XPO5: variants seen among roughly 807,000 people sequenced by gnomAD.
XPO5 encodes the protein exportin 5, also known as exportin-5.
In XPO5, 46 loss-of-function variants were observed where a neutral mutation model predicts 160.6. That is an observed-to-expected ratio of 0.29 (90% CI 0.23 to 0.37). The LOEUF is 0.37. XPO5 is among the 10% of genes least tolerant of loss of function. The pLI is 1.00. For synonymous variants in XPO5, 537 were observed against 519.3 expected, an observed-to-expected ratio of 1.03 and a Z score of -0.46; for missense variants, 1,090 against 1,463.9, an observed-to-expected ratio of 0.74 and a Z score of 4.17.
rs2127694581 is a variant in XPO5, at chr6:43,522,704, G to T, written c.*1164C>A. The stretch of plus-strand genomic sequence containing the variant: ...TAGCTTCAGTCCACTTCGGCTCTCG[G>T]GGAAACCCTCTTGTCAGTGGACTGG... On this transcript the variant is annotated 3_prime_UTR_variant, in exon 32 of 32. Transcript: ENST00000265351. The T allele has an allele frequency of 2.0e-6, 1 of 499,868 alleles. No homozygotes were observed. 31.0% of individuals were successfully genotyped at this position (499,868 alleles called of 1,614,324 possible). A position where few individuals can be genotyped will look rare whatever the true frequency, so the allele number is the denominator to read the frequency against.
At chr6:43,570,377 T>A (rs1483105195) in intron 5 of XPO5, 125 bp downstream of exon 5, 2 of 831,788 alleles carry the variant, frequency 2.4e-6, no homozygotes, top group Non-Finnish European at 3.4e-6. Flanking sequence ...CCTAGTTTTT[T>A]ATTTTTTTGC....
chr6:43,523,770 G>C lies in XPO5; in HGVS notation c.*98C>G. On this transcript the variant is annotated 3_prime_UTR_variant, in exon 32 of 32. Transcript: ENST00000265351. Reference sequence around the variant, plus strand: ...ATCTCTTTCCAGGCTGACAGTGGTGGAAAGTGAGGTGGCAGTGCAAGAAGG... The same window carrying C: ...ATCTCTTTCCAGGCTGACAGTGGTGCAAAGTGAGGTGGCAGTGCAAGAAGG... 1 of 1,593,614 alleles carries C rather than the reference G, an allele frequency of 6.3e-7. No individual in the cohort carries two copies. Among genetic ancestry groups the C allele is most frequent in the Non-Finnish European group, 8.6e-7 (1 of 1,162,118 alleles).
chr6:43,575,499 G>C (rs1353397413), intron 1 of XPO5, among the ~76,000 whole-genome samples: 1 of 152,228 alleles, frequency 6.6e-6, no homozygotes, highest in East Asian at 1.9e-4. Context: ...AAAGGGGGAG[G>C]AGAGGGCTGT....
In XPO5 at chr6:43,535,530, C is replaced by T. The variant is rs73426763; in HGVS notation, c.2343-1523G>A. Among the ~76,000 whole-genome samples, 711 of 152,218 alleles carry T rather than the reference C, an allele frequency of 4.7e-3. 8 individuals carry two copies. Among genetic ancestry groups the T allele is most frequent in the African/African-American group, 0.016 (655 of 41,536 alleles). On this transcript the variant is annotated intron_variant, in intron 20 of 31. Coordinates refer to ENST00000265351, the MANE Select transcript of XPO5 (RefSeq NM_020750.3). ...ATCTTTCAGACCATGTTTAAGCCTCCATAGTTTGTTCTGTTTGTTCTTGCT... is the reference window on the plus strand; with the variant it reads ...ATCTTTCAGACCATGTTTAAGCCTCTATAGTTTGTTCTGTTTGTTCTTGCT...
chr6:43,530,284 C>T (rs937924364), intron 23 of XPO5, among the ~76,000 whole-genome samples: 6 of 151,412 alleles, frequency 4.0e-5, no homozygotes, highest in East Asian at 1.9e-4. Flanking sequence ...ATCAGCTGGG[C>T]GTGATGGTGC....
intron 19 of XPO5, 160 bp downstream of exon 19, chr6:43,547,448 T>G: frequency 1.4e-6 from 1 of 720,562 alleles, no homozygotes. Flanking sequence ...ACTCAAGAAT[T>G]CAAGACTAAA....
Position 43,546,560 on chromosome 6 carries a change from T to C in XPO5, c.2342+11A>G, listed in dbSNP as rs770523230. The C allele has an allele frequency of 1.9e-6, 3 of 1,596,974 alleles. No individual in the cohort carries two copies. The highest frequency in any genetic ancestry group is 2.6e-6 in the Non-Finnish European group (3 of 1,174,592). On this transcript the variant is annotated intron_variant, in intron 20 of 31. Transcript: ENST00000265351. ...AGAAAACAACAGAGAAAAGCCATTA[T>C]TCTGACTCACCTTATAAGCGCAAGC...
Position 43,566,161 on chromosome 6 carries a change from A to G in XPO5, c.835-425T>C, listed in dbSNP as rs112896564. ...TAATCCTAGCACTTTGGGAGGTCAA[A>G]GCAGGTGGATCACTTGAGGTCAAAA... On this transcript the variant is annotated intron_variant, in intron 7 of 31. Coordinates refer to ENST00000265351, the MANE Select transcript of XPO5 (RefSeq NM_020750.3). Among the ~76,000 whole-genome samples, 489 of 152,172 alleles carry G rather than the reference A, an allele frequency of 3.2e-3. 2 individuals are homozygous for G. The highest frequency in any genetic ancestry group is 0.011 in the African/African-American group (459 of 41,522).
intron 12 of XPO5, among the ~76,000 whole-genome samples, chr6:43,557,786 A>T (rs1328462635): frequency 4.2e-5 from 4 of 94,436 alleles, no homozygotes; most frequent in South Asian, 2.8e-4. Context: ...AAAGCTGTAA[A>T]AAAAAAAAAA....
At chr6:43,559,945 T>C (rs541733136) in intron 11 of XPO5, among the ~76,000 whole-genome samples, 1 of 152,290 alleles carries the variant, frequency 6.6e-6, no homozygotes, top group South Asian at 2.1e-4. Context: ...GCCTCCCCAG[T>C]AGCTGGGTCT....
At chr6:43,575,228 C>A (rs372299219) in intron 1 of XPO5, among the ~76,000 whole-genome samples, 15 of 152,220 alleles carry the variant, frequency 9.9e-5, no homozygotes, top group East Asian at 5.8e-4. Context: ...AGAATTTCCC[C>A]GGAAAATGTC....
intron 5 of XPO5, 81 bp from the exon 6 acceptor site, chr6:43,568,818 C>T (rs1762840079): frequency 8.2e-7 from 1 of 1,222,366 alleles, no homozygotes; most frequent in Admixed American, 2.5e-5. Context: ...AAATCAATGC[C>T]CTTGAATAAT....
chr6:43,524,723 G>A, intron 30 of XPO5, 88 bp from the exon 31 acceptor site: 2 of 1,586,122 alleles, frequency 1.3e-6, no homozygotes, highest in South Asian at 1.2e-5. Context: ...CTCAGAGATT[G>A]CACCAGCAAT....
intron 29 of XPO5, 30 bp from the exon 30 acceptor site, chr6:43,524,998 A>AG (rs1491542932): frequency 6.2e-7 from 1 of 1,608,728 alleles, no homozygotes; most frequent in East Asian, 2.2e-5. Flanking sequence ...TTAGGGCCAC[A>AG]GGGGGCCTCT....
chr6:43,575,977 T>A lies in XPO5; in HGVS notation c.-113A>T, dbSNP rs879116636. The A allele has an allele frequency of 1.7e-4, 170 of 1,018,414 alleles. No individual in the cohort carries two copies. The highest frequency in any genetic ancestry group is 1.9e-4 in the Non-Finnish European group (128 of 684,792). The allele number at this position is 1,018,414 out of a possible 1,614,324, so 63.1% of individuals were successfully genotyped here. On this transcript the variant is annotated 5_prime_UTR_variant, in exon 1 of 32. Coordinates refer to ENST00000265351, the MANE Select transcript of XPO5 (RefSeq NM_020750.3). ...ACCGGGCCGCGGCGGGCGGCGGGGG[T>A]GGGAAGCTGGAGGAGGAGCGTTAGC...
At chr6:43,545,002 A>G (rs1794895354) in intron 20 of XPO5, among the ~76,000 whole-genome samples, 1 of 152,094 alleles carries the variant, frequency 6.6e-6, no homozygotes, top group Non-Finnish European at 1.5e-5. Context: ...CCTCTCGAGT[A>G]GCTGGGATTA....
At chr6:43,555,773 CCTATATATAGTTTTGATACTGT>C in intron 13 of XPO5, 41 bp downstream of exon 13, 1 of 1,598,594 alleles carries the variant, frequency 6.3e-7, no homozygotes, top group South Asian at 1.1e-5. Context: ...AGGCTCATTT[CCTATATATAGTTTTGATACTGT>C]CCTAACATTT....
At chr6:43,569,433 T>TTACAAGCA (rs1305643031) in intron 5 of XPO5, among the ~76,000 whole-genome samples, 1 of 150,108 alleles carries the variant, frequency 6.7e-6, no homozygotes, top group Non-Finnish European at 1.5e-5. Flanking sequence ...TAATGTTAAC[T>TTACAAGCA]TACAAGCATA....
chr6:43,567,251 A>G lies in XPO5; in HGVS notation c.752T>C (p.Leu251Pro). 2 of 1,614,020 alleles carry G rather than the reference A, an allele frequency of 1.2e-6. No homozygotes were observed. The highest frequency in any genetic ancestry group is 1.7e-6 in the Non-Finnish European group (2 of 1,179,892). Residue 251 changes from leucine to proline, a missense_variant, in exon 7 of 32, where the codon CTG becomes CCG. By Grantham distance (98) the Leu-to-Pro change is moderately conservative (BLOSUM62 -3). Transcript: ENST00000265351. The stretch of plus-strand genomic sequence containing the variant: ...ATTCAACAGCAAACACAGTATCTCC[A>G]GGAGTTTACAGTTTTCAGCAGTGAT... ...SHITAENCKL[L>P]EILCLLLNEQ...
Sources: allele counts gnomAD v4.1 joint callset (sites outside exome capture counted in the v4.1 genomes callset), GRCh38; gene constraint gnomAD v4.1.1; transcripts MANE v1.5; gene names NCBI Gene and HGNC (gene_info 2026-07-23, HGNC 2026-07-21).